Variants in MACF1 observed in about 807,000 individuals in gnomAD.
The protein encoded by MACF1 is microtubule-actin cross-linking factor 1.
In MACF1, 193 loss-of-function variants were observed where a neutral mutation model predicts 854.8. The ratio of observed to expected loss-of-function variants is 0.23; its 90% CI spans 0.20 to 0.25. The LOEUF is 0.25. MACF1 is among the 10% of genes least tolerant of loss of function. The pLI, the probability that MACF1 is intolerant of heterozygous loss-of-function variation, is 1.00. For missense variants in MACF1, 7,722 were observed against 8,929.1 expected, an observed-to-expected ratio of 0.86 and a Z score of 5.45; for synonymous variants, 3,185 against 3,226.7, an observed-to-expected ratio of 0.99 and a Z score of 0.44.
chr1:39,443,887 A>G (rs1644169366), intron 79 of MACF1, among the ~76,000 whole-genome samples: 1 of 152,190 alleles, frequency 6.6e-6, no homozygotes, highest in South Asian at 2.1e-4. Flanking sequence ...TAAGAAGGAA[A>G]CTACTTAAGG....
chr1:39,105,498 A>G lies in MACF1; in HGVS notation c.220+21060A>G. ...GCCGGGCGAGGCGGGCGGACGGCGGAGAGCGAGGGCGCCGTCGCCGTCTCT... is the reference window on the plus strand; with the variant it reads ...GCCGGGCGAGGCGGGCGGACGGCGGGGAGCGAGGGCGCCGTCGCCGTCTCT... On this transcript the variant is annotated intron_variant, in intron 2 of 93. Transcript: ENST00000361689. The surrounding 1 kb of genome is among the most constrained non-coding windows in gnomAD (Gnocchi z 5.9). 1 of 1,011,952 alleles carries G rather than the reference A, an allele frequency of 9.9e-7. No homozygotes were observed. The allele number at this position is 1,011,952 out of a possible 1,614,324, so 62.7% of individuals were successfully genotyped here.
chr1:39,287,763 T>A (rs1645673279), intron 15 of MACF1: 1 of 615,644 alleles, frequency 1.6e-6, no homozygotes, highest in African/African-American at 1.9e-5. Context: ...TGCCTCAGTC[T>A]CTTGAGTAGC....
At chr1:39,143,235 G>C (rs986453426) in intron 2 of MACF1, among the ~76,000 whole-genome samples, 9 of 152,100 alleles carry the variant, frequency 5.9e-5, no homozygotes, top group East Asian at 1.9e-4. Flanking sequence ...TGTACCCCTT[G>C]TCTGTGGGCT....
At position 39,340,864 on chromosome 1, in the gene MACF1, G is replaced by A. The variant is rs757030575; in HGVS notation, c.10492G>A (p.Val3498Ile). 1.5e-5 allele frequency: 25 copies of A among 1,614,034 alleles called. No homozygotes were observed. Among genetic ancestry groups the A allele is most frequent in the Non-Finnish European group, 1.9e-5 (22 of 1,179,988 alleles). ...EGRLQDLRAW[V>I]GNKNLILNSK... ...CCGACTTCAAGATCTGAGAGCCTGG[G>A]TTGGCAATAAAAATCTTATTCTGAA... The change falls in exon 40 of 101, where the codon GTT becomes ATT. Residue 3498 changes from valine to isoleucine, a missense_variant. Physicochemically the swap from Val to Ile is conservative, Grantham distance 29 (BLOSUM62 3). This residue lies in a region of MACF1 where 854 missense variants were observed against 852.6 expected (regional missense o/e 1.00). Coordinates refer to ENST00000564288, the MANE Select transcript of MACF1 (RefSeq NM_001394062.1).
chr1:39,205,400 C>T (rs1191343112), intron 1 of MACF1, among the ~76,000 whole-genome samples: 1 of 152,128 alleles, frequency 6.6e-6, no homozygotes, highest in Non-Finnish European at 1.5e-5. Flanking sequence ...GGGCTCAAAA[C>T]TGAAGGGAAG....
At chr1:39,427,278 A>G (rs556260406) in intron 61 of MACF1, among the ~76,000 whole-genome samples, 177 bp from the exon 62 acceptor site, 2 of 152,336 alleles carry the variant, frequency 1.3e-5, no homozygotes, top group South Asian at 2.1e-4. Context: ...CAGAATGAGA[A>G]TAAGGTTAAT....
intron 43 of MACF1, among the ~76,000 whole-genome samples, chr1:39,351,897 A>G (rs966275865): frequency 6.6e-5 from 10 of 152,076 alleles, no homozygotes; most frequent in Non-Finnish European, 1.3e-4. Flanking sequence ...CAAATGACAT[A>G]TTTTAATATG....
chr1:39,424,183 G>A lies in MACF1; in HGVS notation c.16305G>A (p.Lys5435=). Residue 5435 remains lysine (K), a synonymous_variant, in exon 61 of 101, where the codon AAG becomes AAA. Coordinates refer to ENST00000564288, the MANE Select transcript of MACF1 (RefSeq NM_001394062.1). ...LESRWTELLS[K]AAARQKQLED... ...GTAGATGGACTGAACTACTCAGTAA[G>A]GCAGCAGCCAGGTAAGATCAAAGGA... is the stretch of plus-strand genomic sequence containing the variant. The A allele has an allele frequency of 6.2e-7, 1 of 1,613,238 alleles. No homozygotes were observed. The highest frequency in any genetic ancestry group is 1.7e-4 in the Middle Eastern group (1 of 6,060).
chr1:39,457,535 C>CT (rs1339868265), intron 89 of MACF1: 4 of 152,420 alleles, frequency 2.6e-5, no homozygotes, highest in African/African-American at 9.6e-5. Context: ...CTGATCATGT[C>CT]TCTTACCTGG....
intron 2 of MACF1, among the ~76,000 whole-genome samples, chr1:39,089,100 G>T (rs1048980194): frequency 2.0e-5 from 3 of 152,238 alleles, no homozygotes; most frequent in Non-Finnish European, 2.9e-5. Context: ...AAGGCCGGGT[G>T]TAGTGGCTCA....
intron 6 of MACF1, chr1:39,260,474 C>T (rs577806632): frequency 6.6e-6 from 1 of 152,278 alleles, no homozygotes; most frequent in Admixed American, 6.6e-5. Flanking sequence ...AAGCGATTCT[C>T]CTGCCTCAGC....
intron 2 of MACF1, among the ~76,000 whole-genome samples, chr1:39,095,434 G>A (rs560834552): frequency 1.8e-4 from 28 of 151,688 alleles, no homozygotes; most frequent in Non-Finnish European, 2.7e-4. Flanking sequence ...ATGGTGGTGC[G>A]CGCCTGTAGT....
chr1:39,410,162 G>A (rs1434409113), intron 58 of MACF1: 5 of 825,450 alleles, frequency 6.1e-6, no homozygotes, highest in Non-Finnish European at 9.2e-6. Flanking sequence ...GGTGGTTTGG[G>A]GTATGAACAG....
chr1:39,215,570 T>G (rs1644566982), intron 1 of MACF1: 1 of 152,170 alleles, frequency 6.6e-6, no homozygotes, highest in East Asian at 1.9e-4. Context: ...AAATGTGCAG[T>G]GGAATAGATT....
intron 15 of MACF1, among the ~76,000 whole-genome samples, chr1:39,290,597 GTTTT>G (rs71060306): frequency 3.4e-5 from 4 of 118,372 alleles, no homozygotes; most frequent in African/African-American, 6.5e-5. Context: ...GGGTAAATCT[GTTTT>G]TTTTTTTTTT....
chr1:39,458,655 A>G (rs2124027633), intron 90 of MACF1, 165 bp downstream of exon 90: 1 of 832,016 alleles, frequency 1.2e-6, no homozygotes. Context: ...ATTGACAGAC[A>G]GTAGCTGTAC....
At chr1:39,094,359 G>A (rs1366341902) in intron 2 of MACF1, among the ~76,000 whole-genome samples, 1 of 151,330 alleles carries the variant, frequency 6.6e-6, no homozygotes, top group Admixed American at 6.6e-5. Flanking sequence ...CTGAGCTCAC[G>A]CCATTGCACT....
intron 36 of MACF1, among the ~76,000 whole-genome samples, chr1:39,327,992 T>G (rs1386204215): frequency 1.3e-5 from 2 of 152,216 alleles, no homozygotes; most frequent in Non-Finnish European, 2.9e-5. Flanking sequence ...CATGTGTCTC[T>G]GGGATATATA....
At chr1:39,178,181 C>CTTT (rs67390335) in intron 2 of MACF1, among the ~76,000 whole-genome samples, 30 of 137,592 alleles carry the variant, frequency 2.2e-4, no homozygotes, top group African/African-American at 5.1e-4. Flanking sequence ...TTTCAACATT[C>CTTT]TTTTTTTTTT....
Sources: allele counts gnomAD v4.1 joint callset (sites outside exome capture counted in the v4.1 genomes callset), GRCh38; gene constraint gnomAD v4.1.1; regional missense constraint gnomAD v4.1.1; non-coding constraint Gnocchi (gnomAD v3.1); transcripts MANE v1.5; gene names NCBI Gene and HGNC (gene_info 2026-07-23, HGNC 2026-07-21).